The following PPP2R2B variants were observed in gnomAD, a reference collection of about 807,000 sequenced individuals.
PPP2R2B encodes serine/threonine-protein phosphatase 2A 55 kDa regulatory subunit B beta isoform.
PPP2R2B carries 5 observed loss-of-function variants against 46.0 expected under a neutral mutation model. The ratio of observed to expected loss-of-function variants is 0.11; its 90% confidence interval spans 0.06 to 0.23. The LOEUF is 0.23. Ranked by LOEUF, PPP2R2B falls within the 10% of genes least tolerant of loss-of-function variation. The pLI is 1.00. For missense variants in PPP2R2B, 367 were observed against 575.0 expected (o/e 0.64, Z 3.70); for synonymous variants, 215 against 206.7 (o/e 1.04, Z -0.34).
At chr5:147,058,255 A>G (rs1209855810), upstream of PPP2R2B, among the ~76,000 whole-genome samples, 2 of 152,214 alleles carry the variant, frequency 1.3e-5, no homozygotes, top group Non-Finnish European at 2.9e-5. Flanking sequence ...TTACAGCACA[A>G]ATGAAGTGGA....
chr5:146,615,514 T>TTAAAAAAAAAAAAAAAAAAAAAAAAAAC (rs1773076664), intron 7 of PPP2R2B, among the ~76,000 whole-genome samples: 1 of 83,254 alleles, frequency 1.2e-5, no homozygotes, highest in Non-Finnish European at 2.3e-5. Context: ...AAAAAAAAAA[T>TTAAAAAAAAAAAAAAAAAAAAAAAAAAC]TAAAAAAAAA....
intron 1 of PPP2R2B, among the ~76,000 whole-genome samples, chr5:146,886,334 G>A (rs564902870): frequency 3.0e-5 from 2 of 67,506 alleles, no homozygotes; most frequent in Non-Finnish European, 3.0e-5. Flanking sequence ...ACGAGACTCC[G>A]TCTCAAAAAT....
intron 1 of PPP2R2B, among the ~76,000 whole-genome samples, chr5:147,043,450 G>T (rs1347257945): frequency 1.3e-5 from 2 of 152,056 alleles, no homozygotes; most frequent in Non-Finnish European, 2.9e-5. Context: ...TCGTCAGCAA[G>T]CCAAGGAGAG....
intron 5 of PPP2R2B, among the ~76,000 whole-genome samples, chr5:146,661,069 C>T (rs1776637450): frequency 1.3e-5 from 2 of 152,186 alleles, no homozygotes; most frequent in South Asian, 4.1e-4. Flanking sequence ...CCCACGAAAG[C>T]AGGGCCATAA....
intron 7 of PPP2R2B, among the ~76,000 whole-genome samples, chr5:146,632,658 T>C (rs1186837499): frequency 1.3e-5 from 2 of 151,942 alleles, no homozygotes; most frequent in Non-Finnish European, 2.9e-5. Flanking sequence ...AATAAAGAAA[T>C]AGAGTGATGA....
intron 1 of PPP2R2B, among the ~76,000 whole-genome samples, chr5:147,008,241 G>A (rs1754541622): frequency 6.6e-6 from 1 of 152,096 alleles, no homozygotes; most frequent in East Asian, 1.9e-4. Context: ...ATAAATTAGT[G>A]CTCCCAACTT....
At chr5:146,945,727 T>C (rs1764459113) in intron 1 of PPP2R2B, among the ~76,000 whole-genome samples, 1 of 152,194 alleles carries the variant, frequency 6.6e-6, no homozygotes, top group African/African-American at 2.4e-5. Flanking sequence ...AGGGATAACA[T>C]AGTTTTATAT....
chr5:146,702,660 G>A (rs756360790), intron 2 of PPP2R2B, among the ~76,000 whole-genome samples: 1 of 152,194 alleles, frequency 6.6e-6, no homozygotes, highest in African/African-American at 2.4e-5. Flanking sequence ...ATCTCTTAAA[G>A]TTTATACATT....
chr5:147,081,514 C>A, upstream of PPP2R2B: 1 of 580,732 alleles, frequency 1.7e-6, no homozygotes, highest in Non-Finnish European at 3.1e-6. Context: ...TGTTTTCCTT[C>A]TGTGATGGTG....
chr5:146,622,471 A>G (rs1172391133), intron 7 of PPP2R2B, among the ~76,000 whole-genome samples: 3 of 152,222 alleles, frequency 2.0e-5, no homozygotes, highest in African/African-American at 7.2e-5. Context: ...ATTGACCACT[A>G]TGATATACAG....
At chr5:147,023,590 G>A (rs908051052) in intron 1 of PPP2R2B, among the ~76,000 whole-genome samples, 7 of 152,200 alleles carry the variant, frequency 4.6e-5, no homozygotes, top group African/African-American at 9.7e-5. Flanking sequence ...ATCATATAAA[G>A]CAGATGGCAG....
At chr5:146,922,466 T>C (rs1763639589) in intron 1 of PPP2R2B, 1 of 152,222 alleles carries the variant, frequency 6.6e-6, no homozygotes. Flanking sequence ...GTAAGCTAGA[T>C]GGTAGGAAGC....
At chr5:147,021,489 A>C (rs2087236259) in intron 1 of PPP2R2B, among the ~76,000 whole-genome samples, 1 of 152,214 alleles carries the variant, frequency 6.6e-6, no homozygotes, top group Admixed American at 6.5e-5. Context: ...AAGAGTGACT[A>C]TCAGTGAGCC....
chr5:146,815,147 C>A (rs534628419), intron 2 of PPP2R2B, among the ~76,000 whole-genome samples: 2 of 152,318 alleles, frequency 1.3e-5, no homozygotes, highest in African/African-American at 2.4e-5. Flanking sequence ...GCTGGCACTG[C>A]CTACACTAGT....
intron 2 of PPP2R2B, among the ~76,000 whole-genome samples, chr5:146,763,071 T>C (rs1754262861): frequency 1.3e-5 from 2 of 152,190 alleles, no homozygotes; most frequent in Admixed American, 6.5e-5. Flanking sequence ...CCTGGAGCAC[T>C]TGGCCATAAC....
chr5:147,002,596 G>T (rs1478146082), intron 1 of PPP2R2B, among the ~76,000 whole-genome samples: 1 of 149,398 alleles, frequency 6.7e-6, no homozygotes, highest in Non-Finnish European at 1.5e-5. Context: ...GACAGGCAAG[G>T]GTGCAGGTTT....
chr5:146,644,677 G>A (rs974136861), intron 6 of PPP2R2B, among the ~76,000 whole-genome samples: 1 of 152,128 alleles, frequency 6.6e-6, no homozygotes, highest in African/African-American at 2.4e-5. Context: ...GAGAATTTGG[G>A]AAAGTCATTT....
At chr5:146,846,178 G>A (rs1360395016) in intron 2 of PPP2R2B, among the ~76,000 whole-genome samples, 2 of 151,752 alleles carry the variant, frequency 1.3e-5, no homozygotes, top group African/African-American at 2.4e-5. Context: ...CCAGGAGTTC[G>A]TGACCAGCCT....
chr5:146,861,294 G>A (rs1318313433), intron 2 of PPP2R2B, among the ~76,000 whole-genome samples: 1 of 151,974 alleles, frequency 6.6e-6, no homozygotes, highest in African/African-American at 2.4e-5. Context: ...CTGACCTCAT[G>A]ATCCGCCCAG....
Sources: allele counts gnomAD v4.1 joint callset (sites outside exome capture counted in the v4.1 genomes callset), GRCh38; gene constraint gnomAD v4.1.1; transcripts MANE v1.5; gene names NCBI Gene and HGNC (gene_info 2026-07-23, HGNC 2026-07-21).